Variants in STXBP6 observed in about 807,000 individuals in gnomAD.
STXBP6 encodes the protein syntaxin-binding protein 6.
In STXBP6, 21 loss-of-function variants were observed where a neutral mutation model predicts 26.9. The ratio of observed to expected loss-of-function variants is 0.78; its 90% CI spans 0.55 to 1.12. The LOEUF (loss-of-function observed/expected upper bound fraction) is 1.12, where lower values mean the gene tolerates loss of function less well. STXBP6 is among the 50% of genes most tolerant of loss of function. STXBP6 has a pLI of 0.00. For missense variants in STXBP6, 232 were observed against 257.9 expected (o/e 0.90, Z 0.69); for synonymous variants, 97 against 92.6 (o/e 1.05, Z -0.27).
At chr14:24,920,390 A>T (rs1407478652) in intron 2 of STXBP6, among the ~76,000 whole-genome samples, 1 of 152,048 alleles carries the variant, frequency 6.6e-6, no homozygotes, top group African/African-American at 2.4e-5. Flanking sequence ...TATTTACTCA[A>T]CTATTTTTAA....
intron 2 of STXBP6, among the ~76,000 whole-genome samples, chr14:24,966,994 T>C (rs1317682177): frequency 6.6e-6 from 1 of 152,178 alleles, no homozygotes; most frequent in African/African-American, 2.4e-5. Flanking sequence ...GAAAAGGCGT[T>C]TGGTTTGGCA....
intron 2 of STXBP6, among the ~76,000 whole-genome samples, chr14:24,866,745 C>A (rs193174312): frequency 2.0e-5 from 3 of 150,590 alleles, no homozygotes; most frequent in Non-Finnish European, 4.5e-5. Context: ...GTATGTCTGT[C>A]CACAGGAATA....
chr14:24,910,794 T>C (rs1287632689), intron 2 of STXBP6, among the ~76,000 whole-genome samples: 1 of 152,180 alleles, frequency 6.6e-6, no homozygotes, highest in Admixed American at 6.5e-5. Context: ...AGAATTGCTA[T>C]GGCTGTGAAA....
intron 1 of STXBP6, among the ~76,000 whole-genome samples, chr14:24,990,573 G>A (rs1472946179): frequency 2.0e-5 from 3 of 148,124 alleles, no homozygotes; most frequent in African/African-American, 7.6e-5. Flanking sequence ...CAGGAGAATT[G>A]CTTGAACCTG....
rs2075781959 is a variant in STXBP6 at position 25,049,975 on chromosome 14, G to GCTCCGGC, written c.-131_-130insGCCGGAG. The GCTCCGGC allele has an allele frequency of 1.4e-6, 1 of 739,716 alleles. No homozygotes were observed. The highest frequency in any genetic ancestry group is 1.7e-6 in the Non-Finnish European group (1 of 605,752). 45.8% of individuals were successfully genotyped at this position (739,716 alleles called of 1,614,324 possible). A position where few individuals can be genotyped will look rare whatever the true frequency, so the allele number is the denominator to read the frequency against. ...GGGGCTGCCCCGCGCGGGGCTCCGG[G>GCTCCGGC]CTCCGGACAAGGCTTAGCCGGCCCG... On this transcript the variant is annotated 5_prime_UTR_variant, in exon 1 of 6. Transcript: ENST00000323944. The surrounding 1 kb of genome is among the most constrained non-coding windows in gnomAD (Gnocchi z 5.6).
In STXBP6 at chr14:24,884,269, T is replaced by C. The variant is rs535993260; in HGVS notation, c.155-27112A>G. On this transcript the variant is annotated intron_variant, in intron 2 of 5. Transcript: ENST00000323944. Reference sequence around the variant, plus strand: ...AACAATTTCCTCTTGTCAAAACACATTCATATCTTCAAATATAGTTTTAAA... The same window carrying C: ...AACAATTTCCTCTTGTCAAAACACACTCATATCTTCAAATATAGTTTTAAA... 3.7e-4 allele frequency among the ~76,000 whole-genome samples: 56 copies of C among 152,294 alleles called. 2 individuals are homozygous for C. The highest frequency in any genetic ancestry group is 9.8e-4 in the Admixed American group (15 of 15,298).
intron 1 of STXBP6, among the ~76,000 whole-genome samples, chr14:25,031,528 T>G (rs1217284934): frequency 6.6e-6 from 1 of 152,136 alleles, no homozygotes; most frequent in Non-Finnish European, 1.5e-5. Flanking sequence ...GACAGACTAC[T>G]CCTCTGTTTC....
At chr14:25,025,484 T>C (rs964306735) in intron 1 of STXBP6, among the ~76,000 whole-genome samples, 1 of 152,164 alleles carries the variant, frequency 6.6e-6, no homozygotes, top group African/African-American at 2.4e-5. Flanking sequence ...TTGCAGATTA[T>C]CTTTAAGTGT....
intron 1 of STXBP6, among the ~76,000 whole-genome samples, chr14:24,982,428 G>A (rs1194526851): frequency 6.6e-6 from 1 of 152,218 alleles, no homozygotes; most frequent in African/African-American, 2.4e-5. Context: ...CTGGTGAACA[G>A]AGCACCAGCT....
chr14:24,840,727 T>C (rs573973394), intron 4 of STXBP6, among the ~76,000 whole-genome samples: 10 of 152,342 alleles, frequency 6.6e-5, no homozygotes, highest in South Asian at 4.1e-4. Context: ...TCATCAGAGA[T>C]AGAGTTTGCC....
chr14:25,049,988 CT>C lies in STXBP6; in HGVS notation c.-144del. Reference sequence around the variant, plus strand: ...GCGGGGCTCCGGGCTCCGGACAAGGCTTAGCCGGCCCGGGTGCTGGCTCGCC... The same window carrying C: ...GCGGGGCTCCGGGCTCCGGACAAGGCTAGCCGGCCCGGGTGCTGGCTCGCC... On this transcript the variant is annotated 5_prime_UTR_variant, in exon 1 of 6. Coordinates refer to ENST00000323944, the MANE Select transcript of STXBP6 (RefSeq NM_001394410.1). The surrounding 1 kb of genome is among the most constrained non-coding windows in gnomAD (Gnocchi z 5.6). 1.9e-6 allele frequency: 1 copy of C among 522,394 alleles called. No individual in the cohort carries two copies. Among genetic ancestry groups the C allele is most frequent in the Non-Finnish European group, 2.4e-6 (1 of 410,794 alleles). The allele number at this position is 522,394 out of a possible 1,614,324, so 32.4% of individuals were successfully genotyped here. A position where few individuals can be genotyped will look rare whatever the true frequency, so the allele number is the denominator to read the frequency against.
At chr14:24,999,114 C>G (rs891434943) in intron 1 of STXBP6, among the ~76,000 whole-genome samples, 2 of 152,220 alleles carry the variant, frequency 1.3e-5, no homozygotes, top group African/African-American at 2.4e-5. Context: ...GTTGAACATG[C>G]ATTTAACACC....
chr14:24,892,924 G>A (rs1346778692), intron 2 of STXBP6, among the ~76,000 whole-genome samples: 1 of 152,228 alleles, frequency 6.6e-6, no homozygotes, highest in African/African-American at 2.4e-5. Context: ...TGAAGAGGGA[G>A]CAGAATGAGC....
intron 4 of STXBP6, among the ~76,000 whole-genome samples, chr14:24,855,412 G>A (rs1189398012): frequency 6.6e-6 from 1 of 152,018 alleles, no homozygotes; most frequent in Non-Finnish European, 1.5e-5. Flanking sequence ...GCCGATGCTG[G>A]CACTCACCCC....
intron 2 of STXBP6, among the ~76,000 whole-genome samples, chr14:24,962,547 C>T (rs1405178869): frequency 4.0e-5 from 6 of 151,888 alleles, no homozygotes; most frequent in African/African-American, 9.7e-5. Flanking sequence ...AGGCTGGTCT[C>T]GGACTCCTGA....
chr14:25,047,505 G>C (rs1566585216), intron 1 of STXBP6, among the ~76,000 whole-genome samples: 1 of 152,194 alleles, frequency 6.6e-6, no homozygotes, highest in South Asian at 2.1e-4. Context: ...CCATAAGTTA[G>C]TGATTCTATA....
chr14:24,988,948 C>T (rs779409263), intron 1 of STXBP6, among the ~76,000 whole-genome samples: 2 of 152,200 alleles, frequency 1.3e-5, no homozygotes, highest in East Asian at 1.9e-4. Context: ...TCCCCACCTA[C>T]GTACAGAAGT....
chr14:24,909,221 G>C (rs1174219142), intron 2 of STXBP6, among the ~76,000 whole-genome samples: 5 of 152,190 alleles, frequency 3.3e-5, no homozygotes, highest in Non-Finnish European at 7.3e-5. Context: ...CCTTGAATAA[G>C]GTCAACTTAC....
At chr14:25,048,879 T>C (rs1227136488) in intron 1 of STXBP6, 1 of 152,290 alleles carries the variant, frequency 6.6e-6, no homozygotes. Flanking sequence ...ATCCGCACAA[T>C]GCCAGTTCCA....
Sources: allele counts gnomAD v4.1 joint callset (sites outside exome capture counted in the v4.1 genomes callset), GRCh38; gene constraint gnomAD v4.1.1; non-coding constraint Gnocchi (gnomAD v3.1); transcripts MANE v1.5; gene names NCBI Gene and HGNC (gene_info 2026-07-23, HGNC 2026-07-21).